RIC3: variants seen among roughly 807,000 people sequenced by gnomAD.
The protein encoded by RIC3 is protein RIC-3.
In RIC3, 28 loss-of-function variants were observed where a neutral mutation model predicts 27.3. The ratio of observed to expected loss-of-function variants is 1.02; its 90% CI spans 0.76 to 1.41. The LOEUF (loss-of-function observed/expected upper bound fraction) is 1.41. RIC3 is among the 40% of genes most tolerant of loss of function. The pLI is 0.00. For synonymous variants in RIC3, 184 were observed against 160.4 expected, an observed-to-expected ratio of 1.15 and a Z score of -1.11; for missense variants, 501 against 444.7, an observed-to-expected ratio of 1.13 and a Z score of -1.14.
chr11:8,144,732 T>A (rs1949484727), intron 1 of RIC3, among the ~76,000 whole-genome samples: 1 of 151,512 alleles, frequency 6.6e-6, no homozygotes, highest in South Asian at 2.1e-4. Flanking sequence ...CATGCACACG[T>A]ATGTTTATTG....
chr11:8,106,990 T>G lies in RIC3; in HGVS notation c.*3708A>C, dbSNP rs1420776912. ...AGACACTTTATAAACAGCATCTTAT[T>G]TAATCCAAACAGCCCTGTAAATAGA... On this transcript the variant is annotated 3_prime_UTR_variant, in exon 6 of 6. Transcript: ENST00000309737. 1.3e-5 allele frequency: 2 copies of G among 152,196 alleles called. No individual in the cohort carries two copies. The highest frequency in any genetic ancestry group is 2.1e-4 in the South Asian group (1 of 4,828). 9.4% of individuals were successfully genotyped at this position (152,196 alleles called of 1,614,324 possible). A position where few individuals can be genotyped will look rare whatever the true frequency, so the allele number is the denominator to read the frequency against.
In RIC3 at chr11:8,137,452, T is replaced by C. The variant is rs142460870; in HGVS notation, c.447A>G (p.Gln149=). The C allele has an allele frequency of 2.3e-5, 37 of 1,613,904 alleles. No homozygotes were observed. In the African/African-American group the frequency reaches 4.4e-4, roughly 19 times the overall value. ...CTGTCTCCTTCAGTTTTTCTTGCAGTTGAGCAAGCTCAAAACTGGCTAAAA... is the reference window on the plus strand; with the variant it reads ...CTGTCTCCTTCAGTTTTTCTTGCAGCTGAGCAAGCTCAAAACTGGCTAAAA... The part of the protein sequence containing the change: ...HRKITSFELA[Q]LQEKLKETEA... The change falls in exon 4 of 6, where the codon CAA becomes CAG. Residue 149 remains glutamine (Q), a synonymous_variant. Coordinates refer to ENST00000309737, the MANE Select transcript of RIC3 (RefSeq NM_001206671.4).
the RIC3 span, among the ~76,000 whole-genome samples, chr11:8,096,304 C>T: frequency 6.6e-6 from 1 of 152,172 alleles, no homozygotes; most frequent in South Asian, 2.1e-4. Flanking sequence ...TCTAATAGGC[C>T]TGAGGTCAGA....
chr11:8,105,968 A>T (rs1944584270), downstream of RIC3: 1 of 152,074 alleles, frequency 6.6e-6, no homozygotes, highest in African/African-American at 2.4e-5. Flanking sequence ...TAGACTGTGT[A>T]TGTCTATTTG....
At chr11:8,101,450 G>T, downstream of RIC3, 1 of 1,606,750 alleles carries the variant, frequency 6.2e-7, no homozygotes, top group African/African-American at 1.4e-5. Flanking sequence ...TTCCTGTCCT[G>T]TCCTTTTCTC....
At chr11:8,130,651 T>C (rs1947579262) in intron 4 of RIC3, among the ~76,000 whole-genome samples, 1 of 152,194 alleles carries the variant, frequency 6.6e-6, no homozygotes, top group Non-Finnish European at 1.5e-5. Flanking sequence ...ACCTTTTCAA[T>C]AGCCTTCTAG....
chr11:8,166,127 G>A (rs1181134708), intron 1 of RIC3, among the ~76,000 whole-genome samples: 2 of 152,086 alleles, frequency 1.3e-5, no homozygotes, highest in African/African-American at 2.4e-5. Flanking sequence ...ACTGACCATT[G>A]CATACATGTC....
intron 4 of RIC3, among the ~76,000 whole-genome samples, chr11:8,134,216 A>C (rs894939343): frequency 2.6e-5 from 4 of 152,028 alleles, no homozygotes; most frequent in Non-Finnish European, 5.9e-5. Context: ...TCATTGTTCA[A>C]TTCCCACCTA....
chr11:8,097,416 T>C, the RIC3 span: 28 of 1,614,148 alleles, frequency 1.7e-5, no homozygotes, highest in Non-Finnish European at 2.2e-5. Context: ...ACCGTGAGGA[T>C]GGGAAGAAGG....
At position 8,110,887 on chromosome 11, in the gene RIC3, A is replaced by T; in HGVS notation, c.921T>A (p.Phe307Leu). ...AGACAGCAGGATCCTCGTCTTCATG[A>T]AAACAGCAGGAACATGTTTCTGGCT... is the stretch of plus-strand genomic sequence containing the variant. ...DPKPETCSCC[F>L]HEDEDPAVLA... is the part of the protein sequence containing the mutation. The change falls in exon 6 of 6, where the codon TTT (phenylalanine) becomes TTA (leucine). Residue 307 changes from phenylalanine (F) to leucine (L), a missense_variant. Physicochemically the swap from Phe to Leu is conservative, Grantham distance 22. Coordinates refer to ENST00000309737, the MANE Select transcript of RIC3 (RefSeq NM_001206671.4). 1 of 1,614,236 alleles carries T rather than the reference A, an allele frequency of 6.2e-7. No individual in the cohort carries two copies. Among genetic ancestry groups the T allele is most frequent in the Non-Finnish European group, 8.5e-7 (1 of 1,180,048 alleles).
At chr11:8,096,829 ACAG>A in the RIC3 span, 1 of 1,613,968 alleles carries the variant, frequency 6.2e-7, no homozygotes, top group Non-Finnish European at 8.5e-7. Context: ...GTCTGCATCC[ACAG>A]CAGTTTTTGG....
chr11:8,154,896 A>T (rs10431029), intron 1 of RIC3, among the ~76,000 whole-genome samples: 1 of 151,948 alleles, frequency 6.6e-6, no homozygotes, highest in African/African-American at 2.4e-5. Context: ...AAAAGGGAAC[A>T]TGACTAAATC....
At chr11:8,154,964 A>T (rs997446902) in intron 1 of RIC3, among the ~76,000 whole-genome samples, 8 of 152,164 alleles carry the variant, frequency 5.3e-5, no homozygotes, top group Non-Finnish European at 1.2e-4. Flanking sequence ...TTAAAATTTA[A>T]TCCCAGCATT....
chr11:8,123,011 TAA>T (rs1946630668), intron 5 of RIC3, among the ~76,000 whole-genome samples: 2 of 151,870 alleles, frequency 1.3e-5, no homozygotes, highest in African/African-American at 4.8e-5. Flanking sequence ...ATCATACGTT[TAA>T]GAGAGTAAAA....
chr11:8,112,027 C>T (rs923399301), intron 5 of RIC3, among the ~76,000 whole-genome samples: 1 of 152,204 alleles, frequency 6.6e-6, no homozygotes, highest in African/African-American at 2.4e-5. Context: ...TCAACCCTAA[C>T]GTAAACCATT....
At chr11:8,140,660 A>G (rs1948949062) in intron 1 of RIC3, among the ~76,000 whole-genome samples, 1 of 152,202 alleles carries the variant, frequency 6.6e-6, no homozygotes. Context: ...TGTAGTGCAG[A>G]GCCCTCCACT....
chr11:8,162,601 G>A (rs16936464), intron 1 of RIC3, among the ~76,000 whole-genome samples: 11,904 of 147,414 alleles, frequency 0.081, 573 homozygotes, highest in African/African-American at 0.12. Flanking sequence ...TCACAACTCT[G>A]AGGATACTTC....
chr11:8,117,679 CAG>C (rs1400441805), intron 5 of RIC3, among the ~76,000 whole-genome samples: 3 of 152,092 alleles, frequency 2.0e-5, no homozygotes, highest in African/African-American at 7.2e-5. Flanking sequence ...AAATTGCTAA[CAG>C]AGTACATTTT....
At chr11:8,141,460 T>C (rs1308834966) in intron 1 of RIC3, among the ~76,000 whole-genome samples, 2 of 152,126 alleles carry the variant, frequency 1.3e-5, no homozygotes, top group African/African-American at 2.4e-5. Context: ...AAAGGATCAA[T>C]TCAACAAGAG....
Sources: gnomAD v4.1 joint callset for allele counts (sites outside exome capture counted in the v4.1 genomes callset) on GRCh38, gnomAD v4.1.1 for gene constraint, MANE v1.5 for transcripts, NCBI Gene and HGNC (gene_info 2026-07-23, HGNC 2026-07-21) for gene names.